The following DERA variants were observed in gnomAD, a reference collection of about 807,000 sequenced individuals.
The protein encoded by DERA is 2-deoxy-D-ribose 5-phosphate aldolase.
Under a neutral mutation model 41.1 loss-of-function variants are expected in DERA, and 15 were observed. The observed-to-expected ratio is 0.37, with a 90% confidence interval of 0.24 to 0.56. The LOEUF (loss-of-function observed/expected upper bound fraction) is 0.56. Among genes scored for constraint, DERA ranks in the 20% least tolerant of loss-of-function variants. DERA has a pLI of 0.81. For missense variants in DERA, 396 were observed against 403.4 expected (o/e 0.98, Z 0.16); for synonymous variants, 139 against 137.4 (o/e 1.01, Z -0.08).
intron 6 of DERA, among the ~76,000 whole-genome samples, chr12:16,023,518 C>T (rs1287999132): frequency 7.1e-6 from 1 of 141,306 alleles, no homozygotes; most frequent in Non-Finnish European, 1.5e-5. Context: ...CGCTCTGTCA[C>T]CCAGGCTGGA....
rs1392492815 is a variant in DERA at position 15,981,935 on chromosome 12, A to G, written c.509-373A>G. ...TAATAAGAACCTAAGATTTTTTTTTATTACTTTGCAAAGGGGTACACCACT... is the reference window on the plus strand; with the variant it reads ...TAATAAGAACCTAAGATTTTTTTTTGTTACTTTGCAAAGGGGTACACCACT... On this transcript the variant is annotated intron_variant, in intron 5 of 8. Transcript: ENST00000428559. The surrounding 1 kb of genome is among the most constrained non-coding windows in gnomAD (Gnocchi z 6.1). 6.6e-6 allele frequency among the ~76,000 whole-genome samples: 1 copy of G among 151,996 alleles called. No individual in the cohort carries two copies. Among genetic ancestry groups the G allele is most frequent in the Non-Finnish European group, 1.5e-5 (1 of 67,986 alleles).
Position 15,936,954 on chromosome 12 carries a change from T to C in DERA, c.32-19982T>C, listed in dbSNP as rs1484891715. On this transcript the variant is annotated intron_variant, in intron 1 of 8. Coordinates refer to ENST00000428559, the MANE Select transcript of DERA (RefSeq NM_015954.4). The surrounding 1 kb of genome is among the most constrained non-coding windows in gnomAD (Gnocchi z 4.6). ...TCCTGTCTTGTCCTGTCCCGTCCTG[T>C]CCTGCCCTGCCCTGCCCTGTCTTGT... 6.8e-6 allele frequency among the ~76,000 whole-genome samples: 1 copy of C among 146,958 alleles called. No individual in the cohort carries two copies. The highest frequency in any genetic ancestry group is 1.5e-5 in the Non-Finnish European group (1 of 67,572).
rs1011157135 is a variant in DERA, at chr12:15,914,408, A to G, written c.31+2994A>G. Among the ~76,000 whole-genome samples the G allele has an allele frequency of 8.3e-4, 126 of 151,618 alleles. 1 individual carries two copies. The highest frequency in any genetic ancestry group is 5.3e-4 in the Admixed American group (8 of 15,234). ...TCAAAAAAGATAAAAAAAAAAAAAA[A>G]AAAAGAAAAAGTCTGTTGAATGAAG... On this transcript the variant is annotated intron_variant, in intron 1 of 8. Transcript: ENST00000428559.
intron 5 of DERA, 45 bp downstream of exon 5, chr12:15,962,992 G>T (rs774076740): frequency 1.3e-6 from 2 of 1,578,788 alleles, no homozygotes; most frequent in African/African-American, 2.7e-5. Context: ...ATTCTTCCCT[G>T]GTGAATCAGA....
chr12:15,981,925 A>G lies in DERA; in HGVS notation c.509-383A>G, dbSNP rs1173268275. Among the ~76,000 whole-genome samples, 1 of 151,792 alleles carries G rather than the reference A, an allele frequency of 6.6e-6. No individual in the cohort carries two copies. Among genetic ancestry groups the G allele is most frequent in the East Asian group, 1.9e-4 (1 of 5,188 alleles). On this transcript the variant is annotated intron_variant, in intron 5 of 8. Coordinates refer to ENST00000428559, the MANE Select transcript of DERA (RefSeq NM_015954.4). This position sits in a 1 kb window ranked among gnomAD's most constrained non-coding sequence, Gnocchi z 6.1. ...ATGGAAGAATTAATAAGAACCTAAG[A>G]TTTTTTTTTATTACTTTGCAAAGGG...
chr12:15,955,839 A>G (rs1714933836), intron 1 of DERA, among the ~76,000 whole-genome samples: 1 of 152,220 alleles, frequency 6.6e-6, no homozygotes, highest in African/African-American at 2.4e-5. Flanking sequence ...TCCTCATTGC[A>G]TTATAAAGAG....
rs138231087 is a variant in DERA, at chr12:15,984,542, C to A, written c.637+2106C>A. On this transcript the variant is annotated intron_variant, in intron 6 of 8. Coordinates refer to ENST00000428559, the MANE Select transcript of DERA (RefSeq NM_015954.4). This position sits in a 1 kb window ranked among gnomAD's most constrained non-coding sequence, Gnocchi z 4.5. ...TTGAAACAATATTCCTTCGTCCTCA[C>A]ATCAGTCCTGGAGTGGAAGAAATCT... 3.6e-3 allele frequency among the ~76,000 whole-genome samples: 551 copies of A among 152,304 alleles called. 5 individuals carry two copies. Among genetic ancestry groups the A allele is most frequent in the African/African-American group, 0.013 (530 of 41,574 alleles).
chr12:15,914,900 C>G (rs887601470), intron 1 of DERA, among the ~76,000 whole-genome samples: 1 of 152,086 alleles, frequency 6.6e-6, no homozygotes, highest in African/African-American at 2.4e-5. Context: ...CTCAGCCTCC[C>G]GAGTAGCTGA....
In DERA at chr12:15,921,122, A is replaced by G. The variant is rs948732879; in HGVS notation, c.31+9708A>G. ...AAAGTTTCTCTAAGCAAATATGGAAAGAAATAAGCCTTTTTATTTGATTGA... is the reference window on the plus strand; with the variant it reads ...AAAGTTTCTCTAAGCAAATATGGAAGGAAATAAGCCTTTTTATTTGATTGA... On this transcript the variant is annotated intron_variant, in intron 1 of 8. Transcript: ENST00000428559. This position sits in a 1 kb window ranked among gnomAD's most constrained non-coding sequence, Gnocchi z 5.3. Among the ~76,000 whole-genome samples the G allele has an allele frequency of 6.6e-6, 1 of 152,244 alleles. No individual in the cohort carries two copies. Among genetic ancestry groups the G allele is most frequent in the African/African-American group, 2.4e-5 (1 of 41,464 alleles).
rs1440946252 is a variant in DERA, at chr12:15,924,970, G to A, written c.31+13556G>A. 2.0e-5 allele frequency among the ~76,000 whole-genome samples: 3 copies of A among 152,194 alleles called. No homozygotes were observed. Among genetic ancestry groups the A allele is most frequent in the Admixed American group, 2.0e-4 (3 of 15,278 alleles). On this transcript the variant is annotated intron_variant, in intron 1 of 8. Transcript: ENST00000428559. This position sits in a 1 kb window ranked among gnomAD's most constrained non-coding sequence, Gnocchi z 5.0. ...CACCTTGAACAGTACTTTTCATAAT[G>A]TGAAGACTTGTTTTCATCAGTGTTT...
At chr12:15,987,707 A>C (rs1031022695) in intron 6 of DERA, among the ~76,000 whole-genome samples, 8 of 151,902 alleles carry the variant, frequency 5.3e-5, no homozygotes, top group African/African-American at 1.9e-4. Flanking sequence ...GGTTACATGG[A>C]TCTTTATTCA....
intron 6 of DERA, among the ~76,000 whole-genome samples, chr12:16,015,188 A>G (rs1948972823): frequency 6.6e-6 from 1 of 152,078 alleles, no homozygotes; most frequent in Admixed American, 6.5e-5. Flanking sequence ...AGAAGGCATG[A>G]TTGGTTTTGA....
intron 1 of DERA, among the ~76,000 whole-genome samples, chr12:15,917,746 C>T (rs1450289816): frequency 6.6e-6 from 1 of 152,150 alleles, no homozygotes; most frequent in Non-Finnish European, 1.5e-5. Context: ...TTTCCACAGA[C>T]TGGGGTAGGG....
chr12:16,011,033 C>G lies in DERA; in HGVS notation c.638-21509C>G, dbSNP rs1040740205. Reference sequence around the variant, plus strand: ...TAAAGTAGCCTAATTTTCTAGCTTGCTTTGTTCAGTAAAATGTATTTCTAA... The same window carrying G: ...TAAAGTAGCCTAATTTTCTAGCTTGGTTTGTTCAGTAAAATGTATTTCTAA... On this transcript the variant is annotated intron_variant, in intron 6 of 8. Coordinates refer to ENST00000428559, the MANE Select transcript of DERA (RefSeq NM_015954.4). This position sits in a 1 kb window ranked among gnomAD's most constrained non-coding sequence, Gnocchi z 4.7. 1.3e-5 allele frequency among the ~76,000 whole-genome samples: 2 copies of G among 152,116 alleles called. No homozygotes were observed. The highest frequency in any genetic ancestry group is 2.9e-5 in the Non-Finnish European group (2 of 68,002).
rs973677999 is a variant in DERA at position 15,985,029 on chromosome 12, G to C, written c.637+2593G>C. 3 of 152,168 alleles carry C rather than the reference G, an allele frequency of 2.0e-5. No individual in the cohort carries two copies. In the South Asian group the frequency reaches 6.2e-4, roughly 32 times the overall value. 9.4% of individuals were successfully genotyped at this position (152,168 alleles called of 1,614,324 possible). ...TGCATTCAGTAAAATTCAGGTGTTA[G>C]ATAGACAGTGTGATGAGTTTGGCAG... is the stretch of plus-strand genomic sequence containing the variant. On this transcript the variant is annotated intron_variant, in intron 6 of 8. Coordinates refer to ENST00000428559, the MANE Select transcript of DERA (RefSeq NM_015954.4). This position sits in a 1 kb window ranked among gnomAD's most constrained non-coding sequence, Gnocchi z 4.2.
At chr12:15,937,419 T>G (rs760615112) in intron 1 of DERA, among the ~76,000 whole-genome samples, 1 of 152,188 alleles carries the variant, frequency 6.6e-6, no homozygotes, top group Non-Finnish European at 1.5e-5. Flanking sequence ...TTAAGTTTGA[T>G]CATTTGCTTA....
At chr12:15,975,474 A>G (rs1565602142) in intron 5 of DERA, among the ~76,000 whole-genome samples, 2 of 152,220 alleles carry the variant, frequency 1.3e-5, no homozygotes, top group Admixed American at 1.3e-4. Context: ...CCCTAGCTGC[A>G]TGACTCTTAA....
At position 15,994,546 on chromosome 12, in the gene DERA, C is replaced by T. The variant is rs760093127; in HGVS notation, c.637+12110C>T. Among the ~76,000 whole-genome samples the T allele has an allele frequency of 5.3e-5, 8 of 152,146 alleles. No homozygotes were observed. Among genetic ancestry groups the T allele is most frequent in the East Asian group, 1.9e-4 (1 of 5,184 alleles). On this transcript the variant is annotated intron_variant, in intron 6 of 8. Coordinates refer to ENST00000428559, the MANE Select transcript of DERA (RefSeq NM_015954.4). The surrounding 1 kb of genome is among the most constrained non-coding windows in gnomAD (Gnocchi z 4.8). ...TCTGCTCACTGCAAGCTCTGCCTCCCGGGTTCACGCCATTCTCCTGCCTCA... is the reference window on the plus strand; with the variant it reads ...TCTGCTCACTGCAAGCTCTGCCTCCTGGGTTCACGCCATTCTCCTGCCTCA...
At chr12:15,997,386 T>A (rs11830165) in intron 6 of DERA, among the ~76,000 whole-genome samples, 9,660 of 152,220 alleles carry the variant, frequency 0.063, 981 homozygotes, top group African/African-American at 0.21. Flanking sequence ...ATTTTTTTTT[T>A]AATTTGGAAA....
Sources: gnomAD v4.1 joint callset for allele counts (sites outside exome capture counted in the v4.1 genomes callset) on GRCh38, gnomAD v4.1.1 for gene constraint, Gnocchi (gnomAD v3.1) non-coding constraint, MANE v1.5 for transcripts, NCBI Gene and HGNC (gene_info 2026-07-23, HGNC 2026-07-21) for gene names.